Variants in ACVR1C observed in about 807,000 individuals in gnomAD.
ACVR1C encodes activin receptor type-1C.
In ACVR1C, 23 loss-of-function variants were observed where a neutral mutation model predicts 57.9. The ratio of observed to expected loss-of-function variants is 0.40; its 90% confidence interval spans 0.29 to 0.56. The LOEUF (loss-of-function observed/expected upper bound fraction) is 0.56, where lower values mean the gene tolerates loss of function less well. Ranked by LOEUF, ACVR1C falls within the 20% of genes least tolerant of loss-of-function variation. ACVR1C has a pLI of 0.50. For synonymous variants in ACVR1C, 214 were observed against 215.3 expected, an observed-to-expected ratio of 0.99 and a Z score of 0.05; for missense variants, 480 against 607.9, an observed-to-expected ratio of 0.79 and a Z score of 2.21.
At chr2:157,590,678 T>C (rs1385323382) in intron 1 of ACVR1C, among the ~76,000 whole-genome samples, 1 of 151,974 alleles carries the variant, frequency 6.6e-6, no homozygotes, top group East Asian at 1.9e-4. Flanking sequence ...AAGAACCATA[T>C]ATTCTAACTT....
At chr2:157,541,025 A>C (rs1028241963) in intron 7 of ACVR1C, 65 bp downstream of exon 7, 1 of 1,538,280 alleles carries the variant, frequency 6.5e-7, no homozygotes, top group African/African-American at 1.4e-5. Flanking sequence ...AAAAGATAGA[A>C]TATCACATCT....
intron 4 of ACVR1C, among the ~76,000 whole-genome samples, chr2:157,548,007 G>C (rs1687812133): frequency 6.6e-6 from 1 of 152,228 alleles, no homozygotes; most frequent in South Asian, 2.1e-4. Flanking sequence ...AAGGTGTAAG[G>C]AAGGGATCCA....
chr2:157,578,577 T>A (rs957758326), intron 2 of ACVR1C, among the ~76,000 whole-genome samples: 7 of 152,184 alleles, frequency 4.6e-5, no homozygotes, highest in African/African-American at 1.7e-4. Flanking sequence ...GATGTTACTT[T>A]CTTTCTGCCT....
At chr2:157,555,244 G>C (rs965646544) in intron 3 of ACVR1C, among the ~76,000 whole-genome samples, 77 of 149,258 alleles carry the variant, frequency 5.2e-4, no homozygotes, top group East Asian at 5.0e-3. Flanking sequence ...TCAGCCTCCC[G>C]AGTAGCTGGG....
intron 1 of ACVR1C, among the ~76,000 whole-genome samples, chr2:157,603,372 G>C (rs1462110382): frequency 1.3e-5 from 2 of 152,134 alleles, no homozygotes; most frequent in African/African-American, 4.8e-5. Context: ...TGCCCACTAT[G>C]TGCATGGCAC....
rs1281943430 is a variant in ACVR1C at position 157,532,530 on chromosome 2, A to G, written c.*1388T>C. 1 of 152,080 alleles carries G rather than the reference A, an allele frequency of 6.6e-6. No homozygotes were observed. Among genetic ancestry groups the G allele is most frequent in the Non-Finnish European group, 1.5e-5 (1 of 67,982 alleles). The allele number at this position is 152,080 out of a possible 1,614,324, so 9.4% of individuals were successfully genotyped here. On this transcript the variant is annotated 3_prime_UTR_variant, in exon 9 of 9. Transcript: ENST00000243349. ...AGAATGTTCTAAGGAATGGAGTTTG[A>G]AAAAAGATGTTTTAGGAGCATAAAA...
intron 7 of ACVR1C, 54 bp from the exon 8 acceptor site, chr2:157,538,757 C>T (rs941658231): frequency 1.9e-5 from 27 of 1,393,084 alleles, no homozygotes; most frequent in Admixed American, 5.4e-5. Flanking sequence ...ACAAACATGT[C>T]TATTTTAAAT....
In ACVR1C at chr2:157,626,656, T is replaced by C. The variant is rs530129588; in HGVS notation, c.73+1916A>G. Among the ~76,000 whole-genome samples the C allele has an allele frequency of 4.1e-4, 62 of 152,294 alleles. 1 individual carries two copies. Among genetic ancestry groups the C allele is most frequent in the African/African-American group, 1.1e-3 (46 of 41,558 alleles). On this transcript the variant is annotated intron_variant, in intron 1 of 8. Coordinates refer to ENST00000243349, the MANE Select transcript of ACVR1C (RefSeq NM_145259.3). ...TTGGCTAACCATGTCATAAAACCAATTGAAAAAGTGAAAAGCAAAACAAAA... is the reference window on the plus strand; with the variant it reads ...TTGGCTAACCATGTCATAAAACCAACTGAAAAAGTGAAAAGCAAAACAAAA...
rs554025432 is a variant in ACVR1C at position 157,597,524 on chromosome 2, C to T, written c.74-10107G>A. The stretch of plus-strand genomic sequence containing the variant: ...GTGAATTCGGCCCCGACGACAGCTC[C>T]CGCGGGGCTCGGCCACCTGCCCGAC... On this transcript the variant is annotated intron_variant, in intron 1 of 8. Transcript: ENST00000243349. 1.2e-4 allele frequency: 123 copies of T among 985,464 alleles called. No individual in the cohort carries two copies. In the African/African-American group the frequency reaches 2.0e-3, roughly 16 times the overall value. The allele number at this position is 985,464 out of a possible 1,614,324, so 61.0% of individuals were successfully genotyped here. A position where few individuals can be genotyped will look rare whatever the true frequency, so the allele number is the denominator to read the frequency against.
rs5835671 is a variant in ACVR1C, at chr2:157,540,364, A to AT, written c.1225+725dup. On this transcript the variant is annotated intron_variant, in intron 7 of 8. Coordinates refer to ENST00000243349, the MANE Select transcript of ACVR1C (RefSeq NM_145259.3). ...AATTCTTCCTCTCATTATTAAGTAC[A>AT]TTTTTTTTTTTTTGAGACAGAGTTT... Among the ~76,000 whole-genome samples, 491 of 143,486 alleles carry AT rather than the reference A, an allele frequency of 3.4e-3. 1 individual carries two copies. Among genetic ancestry groups the AT allele is most frequent in the Middle Eastern group, 0.014 (4 of 278 alleles). 94.1% of individuals were successfully genotyped at this position (143,486 alleles called of 152,430 possible). A position where few individuals can be genotyped will look rare whatever the true frequency, so the allele number is the denominator to read the frequency against.
intron 2 of ACVR1C, among the ~76,000 whole-genome samples, chr2:157,557,419 T>G (rs1261020784): frequency 6.6e-6 from 1 of 152,178 alleles, no homozygotes; most frequent in Non-Finnish European, 1.5e-5. Flanking sequence ...TTACCTAAAA[T>G]AGCACTTATT....
chr2:157,596,989 G>A (rs1467184467), intron 1 of ACVR1C, among the ~76,000 whole-genome samples: 2 of 152,102 alleles, frequency 1.3e-5, no homozygotes, highest in African/African-American at 2.4e-5. Flanking sequence ...TACTGAATCC[G>A]GCTGGGGCTG....
chr2:157,597,482 C>T (rs991437269), intron 1 of ACVR1C: 139 of 985,330 alleles, frequency 1.4e-4, no homozygotes, highest in Non-Finnish European at 1.6e-4. Context: ...CCCAGCTTTC[C>T]GCTGGACCTT....
intron 2 of ACVR1C, among the ~76,000 whole-genome samples, chr2:157,563,476 C>T (rs1393942927): frequency 1.3e-5 from 2 of 152,142 alleles, no homozygotes; most frequent in South Asian, 2.1e-4. Context: ...AGGACACAAA[C>T]GAATGTAAAA....
intron 1 of ACVR1C, among the ~76,000 whole-genome samples, chr2:157,591,329 G>T (rs1390853001): frequency 1.3e-5 from 2 of 151,942 alleles, no homozygotes; most frequent in Non-Finnish European, 2.9e-5. Flanking sequence ...CCCTCACTCT[G>T]TCACTAACTT....
chr2:157,619,065 C>G (rs1228527703), intron 1 of ACVR1C, among the ~76,000 whole-genome samples: 1 of 151,776 alleles, frequency 6.6e-6, no homozygotes, highest in Non-Finnish European at 1.5e-5. Context: ...ATGACACTTA[C>G]AGAACACTCC....
rs1275626794 is a variant in ACVR1C, at chr2:157,596,328, TG to T, written c.74-8912del. 2.7e-4 allele frequency among the ~76,000 whole-genome samples: 41 copies of T among 151,404 alleles called. 1 individual carries two copies. Among genetic ancestry groups the T allele is most frequent in the Admixed American group, 2.5e-3 (38 of 15,186 alleles). ...TTCCTAACACATTACCTTCATTATT[TG>T]GGGGGTGGGGGGCAGAACGATACTT... On this transcript the variant is annotated intron_variant, in intron 1 of 8. Coordinates refer to ENST00000243349, the MANE Select transcript of ACVR1C (RefSeq NM_145259.3).
At chr2:157,550,542 C>T (rs909350975) in intron 3 of ACVR1C, 150 bp from the exon 4 acceptor site, 4 of 675,492 alleles carry the variant, frequency 5.9e-6, no homozygotes, top group African/African-American at 5.4e-5. Context: ...TTATAGCAAA[C>T]TTATTTAATG....
At chr2:157,535,769 C>G (rs1183883869) in intron 8 of ACVR1C, among the ~76,000 whole-genome samples, 1 of 152,076 alleles carries the variant, frequency 6.6e-6, no homozygotes, top group African/African-American at 2.4e-5. Flanking sequence ...GGCAACAAAG[C>G]AAGATTCTGC....
Sources: gnomAD v4.1 joint callset for allele counts (sites outside exome capture counted in the v4.1 genomes callset) on GRCh38, gnomAD v4.1.1 for gene constraint, MANE v1.5 for transcripts, NCBI Gene and HGNC (gene_info 2026-07-23, HGNC 2026-07-21) for gene names.